RPS17: variants seen among roughly 807,000 people sequenced by gnomAD.
The protein encoded by RPS17 is ribosomal protein S17.
For synonymous variants in RPS17, 75 were observed against 65.6 expected, an observed-to-expected ratio of 1.14 and a Z score of -0.70; for missense variants, 68 against 182.3, an observed-to-expected ratio of 0.37 and a Z score of 3.61.
At chr15:82,537,884 G>A in intron 4 of RPS17, 1 of 456,684 alleles carries the variant, frequency 2.2e-6, no homozygotes, top group South Asian at 1.5e-5. Context: ...GTGCAATGAA[G>A]ATACTCGTGA....
intron 1 of RPS17, 107 bp from the exon 2 acceptor site, chr15:82,540,239 C>G: frequency 6.2e-7 from 1 of 1,608,386 alleles, no homozygotes; most frequent in Non-Finnish European, 8.5e-7. Flanking sequence ...CTGCGCTGAG[C>G]CGGAGAGGGC....
chr15:82,538,503 G>A, intron 3 of RPS17, 132 bp from the exon 4 acceptor site: 1 of 1,049,050 alleles, frequency 9.5e-7, no homozygotes, highest in Non-Finnish European at 1.5e-6. Flanking sequence ...CACAAGGTGA[G>A]CAGTCTCTTA....
At chr15:82,538,437 T>C in intron 3 of RPS17, 66 bp from the exon 4 acceptor site, 1 of 1,549,358 alleles carries the variant, frequency 6.5e-7, no homozygotes, top group South Asian at 1.1e-5. Context: ...CTCCTCCTCC[T>C]CTCCCCAGGT....
At chr15:82,540,219 G>T in intron 1 of RPS17, 87 bp from the exon 2 acceptor site, 1 of 1,611,144 alleles carries the variant, frequency 6.2e-7, no homozygotes. Context: ...GTGTGGTTGG[G>T]GACCGCCGGC....
At chr15:82,538,497 A>G in intron 3 of RPS17, 126 bp from the exon 4 acceptor site, 1 of 1,086,762 alleles carries the variant, frequency 9.2e-7, no homozygotes, top group East Asian at 2.4e-5. Context: ...TCCTCTCACA[A>G]GGTGAGCAGT....
chr15:82,537,191 G>C (rs2034255620), intron 4 of RPS17: 1 of 473,938 alleles, frequency 2.1e-6, no homozygotes, highest in African/African-American at 2.0e-5. Context: ...TCTCAATCTT[G>C]GCAACGTAGA....
intron 4 of RPS17, chr15:82,537,921 C>T (rs1201729696): frequency 8.7e-6 from 4 of 458,528 alleles, no homozygotes; most frequent in Non-Finnish European, 1.7e-5. Flanking sequence ...CTTGTATGTA[C>T]CTGGAAATGG....
intron 1 of RPS17, 82 bp from the exon 2 acceptor site, chr15:82,540,214 G>C: frequency 6.2e-7 from 1 of 1,611,464 alleles, no homozygotes; most frequent in Non-Finnish European, 8.5e-7. Context: ...GGCCGGTGTG[G>C]TTGGGGACCG....
At chr15:82,537,776 A>C in intron 4 of RPS17, 1 of 437,752 alleles carries the variant, frequency 2.3e-6, no homozygotes, top group Non-Finnish European at 4.5e-6. Flanking sequence ...TAAAAATAGG[A>C]AAAATGAAGT....
rs970335901 is a variant in RPS17, at chr15:82,540,073, G to A, written c.63C>T (p.Tyr21=). ...TGTGGAAGTCGTTGCCCAGGCGCGT[G>A]TAGTACTTTTCTATGATGACCCGGG... ...KAARVIIEKY[Y]TRLGNDFHTN... is the part of the protein sequence containing the mutation. The change falls in exon 2 of 5, where the codon TAC becomes TAT. Residue 21 remains tyrosine, a synonymous_variant. Transcript: ENST00000647841. The A allele has an allele frequency of 6.2e-7, 1 of 1,613,212 alleles. No individual in the cohort carries two copies. Among genetic ancestry groups the A allele is most frequent in the Non-Finnish European group, 8.5e-7 (1 of 1,179,872 alleles).
In RPS17 at chr15:82,539,706, A is replaced by G. The variant is rs1365007025; in HGVS notation, c.155+275T>C. 24 of 590,662 alleles carry G rather than the reference A, an allele frequency of 4.1e-5. No homozygotes were observed. The African/African-American group carries it at 4.1e-4, about 10-fold the overall frequency. The allele number at this position is 590,662 out of a possible 1,614,324, so 36.6% of individuals were successfully genotyped here. Reference sequence around the variant, plus strand: ...TCCGTCTCAAAAAAAAAAGAAAAAAAAGAAAGAAAAAAGTTGACAACTAAA... The same window carrying G: ...TCCGTCTCAAAAAAAAAAGAAAAAAGAGAAAGAAAAAAGTTGACAACTAAA... On this transcript the variant is annotated intron_variant, in intron 2 of 4. Transcript: ENST00000647841.
Position 82,540,435 on chromosome 15 carries a change from G to T in RPS17, c.-7C>A, listed in dbSNP as rs775421410. ...GAGCCAAAACACCTACCATGTTGGC[G>T]GGTCCTTGGTAAAAGAGGAAACAGG... On this transcript the variant is annotated 5_prime_UTR_variant, in exon 1 of 5. Transcript: ENST00000647841. 1 of 1,594,398 alleles carries T rather than the reference G, an allele frequency of 6.3e-7. No homozygotes were observed. The highest frequency in any genetic ancestry group is 1.3e-5 in the African/African-American group (1 of 74,914).
intron 2 of RPS17, chr15:82,539,521 T>C (rs1163064760): frequency 3.1e-5 from 14 of 453,246 alleles, no homozygotes; most frequent in Non-Finnish European, 6.2e-5. Flanking sequence ...AACCCTGTTG[T>C]CTACTAAAAA....
chr15:82,539,230 C>A lies in RPS17; in HGVS notation c.156-245G>T, dbSNP rs1284988660. The A allele has an allele frequency of 1.2e-5, 8 of 646,722 alleles. No homozygotes were observed. In the East Asian group the frequency reaches 1.9e-4, roughly 15 times the overall value. The allele number at this position is 646,722 out of a possible 1,614,324, so 40.1% of individuals were successfully genotyped here. On this transcript the variant is annotated intron_variant, in intron 2 of 4. Transcript: ENST00000647841. ...GATCAAGCGCCCCACCCCCAACTCG[C>A]CCCGCCCCGCCCCGCAGTTTCACGA...
At chr15:82,540,247 G>A (rs1261816791) in intron 1 of RPS17, 115 bp from the exon 2 acceptor site, 15 of 1,606,488 alleles carry the variant, frequency 9.3e-6, no homozygotes, top group South Asian at 4.4e-5. Flanking sequence ...AGCCGGAGAG[G>A]GCCCGGCTAA....
At chr15:82,537,959 A>T in intron 4 of RPS17, 1 of 464,632 alleles carries the variant, frequency 2.2e-6, no homozygotes, top group Non-Finnish European at 4.3e-6. Context: ...AGTGGTTAGC[A>T]TGGAGACACC....
chr15:82,540,363 C>T (rs2034328952), intron 1 of RPS17, 63 bp downstream of exon 1: 4 of 1,585,516 alleles, frequency 2.5e-6, no homozygotes, highest in African/African-American at 1.3e-5. Context: ...GGGCTGAGGA[C>T]CGCGGGAAGC....
At chr15:82,540,335 G>A (rs1253436536) in intron 1 of RPS17, 91 bp downstream of exon 1, 13 of 1,580,658 alleles carry the variant, frequency 8.2e-6, no homozygotes, top group Admixed American at 1.9e-5. Context: ...GCGCCTTCCC[G>A]GCCCAGGGCC....
chr15:82,538,951 C>G lies in RPS17; in HGVS notation c.190G>C (p.Gly64Arg). The G allele has an allele frequency of 1.9e-6, 3 of 1,613,966 alleles. No individual in the cohort carries two copies. The highest frequency in any genetic ancestry group is 1.7e-6 in the Non-Finnish European group (2 of 1,179,870). Reference protein sequence around the residue: ...VTHLMKRIQRGPVRGISIKLQ... With the variant: ...VTHLMKRIQRRPVRGISIKLQ... Reference sequence around the variant, plus strand: ...TTGATGGAGATACCTCTTACTGGGCCTCTCTGAATTCGCTTCATCAGATGC... The same window carrying G: ...TTGATGGAGATACCTCTTACTGGGCGTCTCTGAATTCGCTTCATCAGATGC... Residue 64 changes from glycine (G) to arginine (R), a missense_variant, in exon 3 of 5, where the codon GGC (glycine) becomes CGC (arginine). Transcript: ENST00000647841.
Sources: allele counts gnomAD v4.1 joint callset, GRCh38; gene constraint gnomAD v4.1.1; transcripts MANE v1.5; gene names NCBI Gene and HGNC (gene_info 2026-07-23, HGNC 2026-07-21).